The following DAB1 variants were observed in gnomAD, a reference collection of about 807,000 sequenced individuals.
The protein encoded by DAB1 is DAB adaptor protein 1.
Under a neutral mutation model 64.6 loss-of-function variants are expected in DAB1, and 15 were observed. That is an observed-to-expected ratio of 0.23 (90% confidence interval 0.16 to 0.36). The LOEUF is 0.36. DAB1 is among the 10% of genes least tolerant of loss of function. The pLI is 1.00. For synonymous variants in DAB1, 235 were observed against 251.9 expected (o/e 0.93, Z 0.64); for missense variants, 596 against 706.7 (o/e 0.84, Z 1.78).
chr1:58,191,075 G>C (rs1169505369), intron 4 of DAB1, among the ~76,000 whole-genome samples: 2 of 152,208 alleles, frequency 1.3e-5, no homozygotes, highest in Admixed American at 1.3e-4. Flanking sequence ...GGGAAATCAA[G>C]GAGCTTGAGG....
intron 7 of DAB1, among the ~76,000 whole-genome samples, chr1:57,487,333 G>A (rs1201036787): frequency 6.6e-6 from 1 of 152,142 alleles, no homozygotes; most frequent in African/African-American, 2.4e-5. Context: ...CACCCTGCAG[G>A]ATCAAGACAG....
At chr1:57,253,455 C>G (rs556496803) in intron 2 of DAB1, among the ~76,000 whole-genome samples, 3 of 152,194 alleles carry the variant, frequency 2.0e-5, no homozygotes, top group African/African-American at 4.8e-5. Flanking sequence ...GATGAACCAA[C>G]CCTCCTAAAG....
At chr1:58,483,790 G>A (rs1331246951) in intron 3 of DAB1, among the ~76,000 whole-genome samples, 1 of 152,216 alleles carries the variant, frequency 6.6e-6, no homozygotes, top group Non-Finnish European at 1.5e-5. Context: ...AGCCATGACT[G>A]TCTCTGCAAA....
At chr1:57,965,673 C>G (rs1360236811) in intron 5 of DAB1, among the ~76,000 whole-genome samples, 1 of 152,110 alleles carries the variant, frequency 6.6e-6, no homozygotes, top group Non-Finnish European at 1.5e-5. Context: ...TCTCTCCATC[C>G]AACAACAATT....
chr1:58,057,600 C>T (rs1354617526), intron 5 of DAB1, among the ~76,000 whole-genome samples: 1 of 152,174 alleles, frequency 6.6e-6, no homozygotes, highest in Non-Finnish European at 1.5e-5. Context: ...ATGCTGAGGA[C>T]TGCTAGCAAC....
chr1:57,559,370 C>T (rs988332401), intron 7 of DAB1, among the ~76,000 whole-genome samples: 2 of 152,156 alleles, frequency 1.3e-5, no homozygotes, highest in African/African-American at 4.8e-5. Flanking sequence ...GAAGGGGAGG[C>T]CGGGTCCCCT....
chr1:58,204,644 G>C (rs1180973431), intron 4 of DAB1, among the ~76,000 whole-genome samples: 2 of 152,216 alleles, frequency 1.3e-5, no homozygotes, highest in Non-Finnish European at 2.9e-5. Context: ...AGGCAATGAA[G>C]AAGCTGAGGT....
chr1:57,330,650 G>T (rs976535785), intron 1 of DAB1, among the ~76,000 whole-genome samples: 1 of 152,118 alleles, frequency 6.6e-6, no homozygotes, highest in Non-Finnish European at 1.5e-5. Flanking sequence ...CAGTGTCGAC[G>T]TGATGTGCTT....
chr1:57,300,092 T>C (rs1286982861), intron 1 of DAB1, among the ~76,000 whole-genome samples: 1 of 152,120 alleles, frequency 6.6e-6, no homozygotes, highest in Admixed American at 6.6e-5. Flanking sequence ...CACCTTTGCA[T>C]CCACACCAGC....
intron 2 of DAB1, among the ~76,000 whole-genome samples, chr1:57,277,759 C>T (rs1273318928): frequency 6.6e-6 from 1 of 152,140 alleles, no homozygotes; most frequent in African/African-American, 2.4e-5. Flanking sequence ...GATAATTCTC[C>T]TTCCCGTGCA....
chr1:57,809,616 G>C (rs1651522215), intron 6 of DAB1, among the ~76,000 whole-genome samples: 1 of 151,998 alleles, frequency 6.6e-6, no homozygotes, highest in Non-Finnish European at 1.5e-5. Flanking sequence ...TCTCATTATT[G>C]CTCCTAATGA....
chr1:58,021,163 G>A (rs1646809382), intron 5 of DAB1, among the ~76,000 whole-genome samples: 1 of 152,188 alleles, frequency 6.6e-6, no homozygotes, highest in African/African-American at 2.4e-5. Context: ...TAGCTTAAGG[G>A]CTTAGAGAAA....
chr1:57,475,804 G>A (rs564022603), intron 7 of DAB1, among the ~76,000 whole-genome samples: 1 of 152,192 alleles, frequency 6.6e-6, no homozygotes, highest in African/African-American at 2.4e-5. Flanking sequence ...CTCCTTGAGT[G>A]GGGGAACTGT....
chr1:57,851,617 C>A (rs1333566053), intron 1 of DAB1, among the ~76,000 whole-genome samples: 2 of 152,328 alleles, frequency 1.3e-5, no homozygotes, highest in East Asian at 3.9e-4. Context: ...TTTGCTCCTG[C>A]AAGAAGCATT....
At chr1:57,504,011 A>G (rs1333236482) in intron 7 of DAB1, among the ~76,000 whole-genome samples, 3 of 152,224 alleles carry the variant, frequency 2.0e-5, no homozygotes, top group Non-Finnish European at 4.4e-5. Context: ...TAGTGCATAT[A>G]GTACCTTTAT....
chr1:57,532,566 A>G (rs1644678191), intron 7 of DAB1, among the ~76,000 whole-genome samples: 1 of 152,208 alleles, frequency 6.6e-6, no homozygotes, highest in Non-Finnish European at 1.5e-5. Context: ...TTTTTGAATG[A>G]ATGAGTCATT....
At chr1:58,409,669 C>A (rs338906) in intron 3 of DAB1, among the ~76,000 whole-genome samples, 2 of 152,086 alleles carry the variant, frequency 1.3e-5, no homozygotes, top group Non-Finnish European at 2.9e-5. Flanking sequence ...TTGGGACCAT[C>A]CTTCTCCTCT....
chr1:57,914,833 T>C (rs1486604784), intron 5 of DAB1, among the ~76,000 whole-genome samples: 2 of 152,176 alleles, frequency 1.3e-5, no homozygotes, highest in Admixed American at 1.3e-4. Context: ...GTATGGTCTA[T>C]GAACTGCATG....
intron 6 of DAB1, among the ~76,000 whole-genome samples, chr1:57,788,866 A>C (rs2101854991): frequency 6.6e-6 from 1 of 152,278 alleles, no homozygotes; most frequent in African/African-American, 2.4e-5. Flanking sequence ...TGTTGAGATA[A>C]AAGGGTTCAT....
Sources: gnomAD v4.1 joint callset for allele counts (sites outside exome capture counted in the v4.1 genomes callset) on GRCh38, gnomAD v4.1.1 for gene constraint, MANE v1.5 for transcripts, NCBI Gene and HGNC (gene_info 2026-07-23, HGNC 2026-07-21) for gene names.